Variants in GSE1 observed in about 807,000 individuals in gnomAD.
GSE1 encodes Gse1 coiled-coil protein.
Under a neutral mutation model 112.6 loss-of-function variants are expected in GSE1, and 32 were observed. The ratio of observed to expected loss-of-function variants is 0.28; its 90% confidence interval spans 0.21 to 0.38. The LOEUF is 0.38. GSE1 is among the 10% of genes least tolerant of loss of function. GSE1 has a pLI of 1.00. For synonymous variants in GSE1, 1,115 were observed against 735.6 expected (o/e 1.52, Z -8.35); for missense variants, 2,348 against 1,699.2 (o/e 1.38, Z -6.71).
rs968203822 is a variant in GSE1 at position 85,311,111 on chromosome 16, G to A, written c.2284-46352G>A. ...GGCAGGGCATCTGACAGCCGTGGAG[G>A]ACGGCAGAGGGGAGGGCAGCCTGCT... On this transcript the variant is annotated intron_variant, in intron 1 of 2. Coordinates refer to the GSE1 transcript ENST00000637419. This position sits in a 1 kb window ranked among gnomAD's most constrained non-coding sequence, Gnocchi z 4.2. Among the ~76,000 whole-genome samples, 1 of 152,224 alleles carries A rather than the reference G, an allele frequency of 6.6e-6. No individual in the cohort carries two copies. Among genetic ancestry groups the A allele is most frequent in the Non-Finnish European group, 1.5e-5 (1 of 68,034 alleles).
At chr16:85,229,807 T>C (rs1597852824) in intron 1 of GSE1, among the ~76,000 whole-genome samples, 1 of 152,210 alleles carries the variant, frequency 6.6e-6, no homozygotes, top group African/African-American at 2.4e-5. Flanking sequence ...TTGGTCCTTT[T>C]CTCATGGTTG....
At chr16:85,655,339 T>C (rs1286064436) in intron 5 of GSE1, among the ~76,000 whole-genome samples, 3 of 152,058 alleles carry the variant, frequency 2.0e-5, no homozygotes, top group African/African-American at 4.8e-5. Flanking sequence ...GGCACTGTGG[T>C]CTGGCCTGGG....
chr16:85,290,491 C>T (rs1256965207), intron 1 of GSE1, among the ~76,000 whole-genome samples: 1 of 152,184 alleles, frequency 6.6e-6, no homozygotes, highest in Non-Finnish European at 1.5e-5. Context: ...AACCCTCCGT[C>T]ACTTGCTTGG....
intron 1 of GSE1, among the ~76,000 whole-genome samples, chr16:85,184,096 G>A (rs1391230424): frequency 6.6e-6 from 1 of 152,346 alleles, no homozygotes; most frequent in Non-Finnish European, 1.5e-5. Flanking sequence ...CACCTGTGAT[G>A]TGTCAGGAAG....
chr16:85,545,238 G>A (rs1302281506), intron 2 of GSE1, among the ~76,000 whole-genome samples: 2 of 152,212 alleles, frequency 1.3e-5, no homozygotes, highest in South Asian at 2.1e-4. Context: ...TGGCATCTCC[G>A]TAGTCATAGG....
At chr16:85,316,891 A>G (rs1567683820) in intron 1 of GSE1, among the ~76,000 whole-genome samples, 1 of 152,144 alleles carries the variant, frequency 6.6e-6, no homozygotes, top group African/African-American at 2.4e-5. Context: ...TACGGCCTCA[A>G]AGAGTGGAAA....
chr16:85,469,722 C>A (rs2050228482), intron 2 of GSE1, among the ~76,000 whole-genome samples: 1 of 152,202 alleles, frequency 6.6e-6, no homozygotes, highest in African/African-American at 2.4e-5. Context: ...CTCTTGTCCC[C>A]AGTTCAGGTG....
At chr16:85,501,672 G>A (rs534755244) in intron 2 of GSE1, among the ~76,000 whole-genome samples, 5 of 152,282 alleles carry the variant, frequency 3.3e-5, no homozygotes, top group African/African-American at 1.2e-4. Flanking sequence ...AGGATTACAG[G>A]CGTGAGCCAC....
chr16:85,298,644 C>G (rs1471053785), intron 1 of GSE1, among the ~76,000 whole-genome samples: 2 of 152,184 alleles, frequency 1.3e-5, no homozygotes, highest in East Asian at 3.9e-4. Context: ...CCAGGTTGTT[C>G]TCGAACTCCT....
chr16:85,670,980 C>G lies in GSE1; in HGVS notation c.3416-15C>G, dbSNP rs773341825. 2 of 1,531,448 alleles carry G rather than the reference C, an allele frequency of 1.3e-6. No individual in the cohort carries two copies. The highest frequency in any genetic ancestry group is 1.8e-6 in the Non-Finnish European group (2 of 1,105,078). 94.9% of individuals were successfully genotyped at this position (1,531,448 alleles called of 1,614,324 possible). On this transcript the variant is annotated splice_polypyrimidine_tract_variant and intron_variant, in intron 14 of 15. Coordinates refer to ENST00000253458, the MANE Select transcript of GSE1 (RefSeq NM_014615.5). ...CTGCATACGGAAAATACATCACCAT[C>G]TCCTGTCTTTTCAGAGCAAAATCTG...
intron 1 of GSE1, among the ~76,000 whole-genome samples, chr16:85,331,469 A>G (rs1196887859): frequency 7.2e-6 from 1 of 138,620 alleles, no homozygotes; most frequent in Non-Finnish European, 1.5e-5. Flanking sequence ...ATGTGTGTAT[A>G]TATGTATATA....
intron 2 of GSE1, among the ~76,000 whole-genome samples, chr16:85,492,096 C>G (rs988020285): frequency 6.6e-6 from 1 of 152,204 alleles, no homozygotes; most frequent in East Asian, 1.9e-4. Flanking sequence ...GCCCGCCCCT[C>G]CGAGGCAGCG....
intron 11 of GSE1, chr16:85,664,392 A>C (rs1466418423): frequency 6.6e-6 from 1 of 152,166 alleles, no homozygotes; most frequent in African/African-American, 2.4e-5. Context: ...TCTCCTTTTA[A>C]CCAGTCAGTA....
chr16:85,428,256 G>T (rs904225617), intron 2 of GSE1, among the ~76,000 whole-genome samples: 5 of 152,204 alleles, frequency 3.3e-5, no homozygotes, highest in Admixed American at 6.5e-5. Flanking sequence ...CTGGGCTCCT[G>T]ACCTGGGCTT....
chr16:85,364,071 A>T (rs2047136456), intron 2 of GSE1, among the ~76,000 whole-genome samples: 1 of 152,216 alleles, frequency 6.6e-6, no homozygotes, highest in African/African-American at 2.4e-5. Context: ...CAGAAGTCTG[A>T]CGTTAGTCTC....
chr16:85,362,109 A>G (rs1597487843), intron 2 of GSE1, among the ~76,000 whole-genome samples: 1 of 152,018 alleles, frequency 6.6e-6, no homozygotes, highest in Admixed American at 6.6e-5. Context: ...GCCATGAGGA[A>G]CCCTGGGGCT....
chr16:85,486,842 G>A (rs1054431471), intron 2 of GSE1, among the ~76,000 whole-genome samples: 2 of 152,230 alleles, frequency 1.3e-5, no homozygotes, highest in Non-Finnish European at 2.9e-5. Flanking sequence ...GGGCCTCGCC[G>A]GTGCCTGGTG....
At chr16:85,230,979 G>A (rs950628403) in intron 1 of GSE1, among the ~76,000 whole-genome samples, 2 of 151,300 alleles carry the variant, frequency 1.3e-5, no homozygotes, top group African/African-American at 2.4e-5. Flanking sequence ...ACGGACGGAC[G>A]GATGGATAGA....
chr16:85,183,960 C>A (rs756479882), intron 1 of GSE1, among the ~76,000 whole-genome samples: 4 of 152,200 alleles, frequency 2.6e-5, no homozygotes, highest in Non-Finnish European at 4.4e-5. Context: ...GACCAAGCTC[C>A]CAGTAAAAAC....
Sources: gnomAD v4.1 joint callset for allele counts (sites outside exome capture counted in the v4.1 genomes callset) on GRCh38, gnomAD v4.1.1 for gene constraint, Gnocchi (gnomAD v3.1) non-coding constraint, MANE v1.5 for transcripts, NCBI Gene and HGNC (gene_info 2026-07-23, HGNC 2026-07-21) for gene names.